The following CD36 variants were observed in gnomAD, a reference collection of about 807,000 sequenced individuals.
CD36 encodes the protein CD36 molecule (CD36 blood group).
A neutral mutation model predicts 55.2 loss-of-function variants in CD36; 119 were observed. The observed-to-expected ratio is 2.15, with a 90% CI of 1.86 to 2.51. The LOEUF (loss-of-function observed/expected upper bound fraction) is 2.51. Ranked by LOEUF, CD36 falls within the 30% of genes most tolerant of loss-of-function variation. The pLI, the probability that CD36 is intolerant of heterozygous loss-of-function variation, is 0.00. For synonymous variants in CD36, 186 were observed against 193.6 expected (o/e 0.96, Z 0.33); for missense variants, 819 against 555.5 (o/e 1.47, Z -4.77).
At chr7:80,672,709 T>C in intron 11 of CD36, 61 bp from the exon 12 acceptor site, 1 of 1,188,746 alleles carries the variant, frequency 8.4e-7, no homozygotes, top group Middle Eastern at 2.7e-4. Flanking sequence ...AAAAATAAGT[T>C]TTGAATAGTA....
chr7:80,637,763 C>T (rs962012887), upstream of CD36, among the ~76,000 whole-genome samples: 2 of 152,044 alleles, frequency 1.3e-5, no homozygotes, highest in African/African-American at 4.8e-5. Flanking sequence ...TTATCCAGCT[C>T]TCCTATCAAA....
At chr7:80,676,211 C>T (rs1394764211) in intron 14 of CD36, 173 bp from the exon 15 acceptor site, 1 of 152,096 alleles carries the variant, frequency 6.6e-6, no homozygotes, top group East Asian at 1.9e-4. Flanking sequence ...ACAAAGCACA[C>T]CTTATCTTTT....
At chr7:80,610,595 C>T (rs1035427009) in intron 1 of CD36, among the ~76,000 whole-genome samples, 18 of 151,964 alleles carry the variant, frequency 1.2e-4, no homozygotes, top group South Asian at 2.1e-4. Flanking sequence ...TTTTTTGAGA[C>T]GGAGTCTTGC....
intron 1 of CD36, among the ~76,000 whole-genome samples, chr7:80,620,354 T>C (rs972343514): frequency 3.9e-5 from 6 of 152,288 alleles, no homozygotes; most frequent in African/African-American, 1.4e-4. Context: ...AGCTTCAAGT[T>C]GGGGTTCTCA....
chr7:80,609,190 G>A (rs897664308), intron 1 of CD36, among the ~76,000 whole-genome samples: 1 of 152,156 alleles, frequency 6.6e-6, no homozygotes, highest in Non-Finnish European at 1.5e-5. Context: ...AGGGCTTCAC[G>A]TTTGTGGTCA....
chr7:80,646,241 G>T (rs1203905276), intron 2 of CD36, 60 bp downstream of exon 2: 1 of 167,872 alleles, frequency 6.0e-6, no homozygotes, highest in Non-Finnish European at 1.3e-5. Context: ...AAACACATCA[G>T]TCAACCCACA....
intron 1 of CD36, chr7:80,633,290 C>CAT (rs756055717): frequency 8.6e-5 from 13 of 152,018 alleles, no homozygotes; most frequent in Middle Eastern, 3.2e-3. Flanking sequence ...GCCATGCCCA[C>CAT]ATGAGAACTA....
intron 8 of CD36, among the ~76,000 whole-genome samples, chr7:80,667,429 C>CTCA (rs1797198060): frequency 1.2e-5 from 1 of 82,422 alleles, no homozygotes; most frequent in African/African-American, 4.7e-5. Flanking sequence ...GACCCTGTCT[C>CTCA]AAAAAAAAAA....
chr7:80,626,377 A>G (rs1793736680), intron 1 of CD36: 1 of 152,104 alleles, frequency 6.6e-6, no homozygotes, highest in African/African-American at 2.4e-5. Flanking sequence ...TAAATTCTGA[A>G]TGTATTTTTA....
intron 1 of CD36, among the ~76,000 whole-genome samples, chr7:80,619,494 A>G (rs1793336984): frequency 6.6e-6 from 1 of 151,998 alleles, no homozygotes; most frequent in East Asian, 1.9e-4. Flanking sequence ...TAAAAACACA[A>G]AAATTAGCCA....
chr7:80,673,407 G>T lies in CD36; in HGVS notation c.1252G>T (p.Glu418Ter). Residue 418 changes from glutamate (E) to a stop codon, truncating the protein, a stop_gained and splice_region_variant, in exon 13 of 15, where the codon GAG becomes TAG. Transcript: ENST00000447544. LOFTEE classifies it high-confidence loss of function. Reference sequence around the variant, plus strand: ...TATTGTGCCTATTCTTTGGCTTAATGAGGTTTGTATTTGCAGCTGTTAGTC... The same window carrying T: ...TATTGTGCCTATTCTTTGGCTTAATTAGGTTTGTATTTGCAGCTGTTAGTC... The part of the protein sequence containing the change: ...NYIVPILWLN[E>*]TGTIGDEKAN... The T allele has an allele frequency of 6.4e-7, 1 of 1,562,792 alleles. No individual in the cohort carries two copies. The highest frequency in any genetic ancestry group is 1.1e-5 in the South Asian group (1 of 89,960).
intron 1 of CD36, among the ~76,000 whole-genome samples, chr7:80,619,052 G>A (rs1324504943): frequency 6.6e-6 from 1 of 152,148 alleles, no homozygotes; most frequent in Non-Finnish European, 1.5e-5. Flanking sequence ...AATGCAGCTG[G>A]TGACTTTAAA....
At chr7:80,669,281 T>A (rs1797415791) in intron 8 of CD36, among the ~76,000 whole-genome samples, 1 of 152,210 alleles carries the variant, frequency 6.6e-6, no homozygotes, top group African/African-American at 2.4e-5. Context: ...GCCAGCCATA[T>A]GTAACTGTTA....
intron 1 of CD36, among the ~76,000 whole-genome samples, chr7:80,629,466 A>G (rs1331930671): frequency 1.3e-5 from 2 of 152,088 alleles, no homozygotes; most frequent in African/African-American, 4.8e-5. Flanking sequence ...TGACATTTTT[A>G]GAGGCAATAC....
At chr7:80,631,363 A>G (rs1250292299) in intron 1 of CD36, among the ~76,000 whole-genome samples, 1 of 152,092 alleles carries the variant, frequency 6.6e-6, no homozygotes, top group African/African-American at 2.4e-5. Context: ...TTCTTTCTGC[A>G]TAACCACAAG....
In CD36 at chr7:80,616,020, G is replaced by GA. The variant is rs772082449; in HGVS notation, c.-184+13644dup. ...ACAGATAACACTTTCTTCCTTTAAA[G>GA]AAATCTATCTTTCCAGGCAATAGGA... On this transcript the variant is annotated intron_variant, in intron 1 of 13. Transcript: ENST00000309881. 9.9e-5 allele frequency among the ~76,000 whole-genome samples: 15 copies of GA among 152,200 alleles called. No individual in the cohort carries two copies. In the South Asian group the frequency reaches 2.9e-3, roughly 29 times the overall value.
chr7:80,625,684 A>T (rs1417983773), intron 1 of CD36, among the ~76,000 whole-genome samples: 2 of 152,150 alleles, frequency 1.3e-5, no homozygotes, highest in East Asian at 3.9e-4. Flanking sequence ...CCTATGCTAC[A>T]ATAATTAGAA....
intron 8 of CD36, among the ~76,000 whole-genome samples, chr7:80,669,612 C>T (rs984610070): frequency 6.6e-6 from 1 of 151,964 alleles, no homozygotes; most frequent in African/African-American, 2.4e-5. Context: ...CTCAGGATAG[C>T]TGCCTCCCAA....
Position 80,663,140 on chromosome 7 carries a change from G to C in CD36, c.580G>C (p.Val194Leu), listed in dbSNP as rs760233317. The C allele has an allele frequency of 1.2e-6, 2 of 1,613,632 alleles. No individual in the cohort carries two copies. Among genetic ancestry groups the C allele is most frequent in the East Asian group, 4.5e-5 (2 of 44,778 alleles). ...ATTTTTGAGTTTGGTTCCGTACCCTGTTACTACCACAGTTGGTCTGTTTTA... is the reference window on the plus strand; with the variant it reads ...ATTTTTGAGTTTGGTTCCGTACCCTCTTACTACCACAGTTGGTCTGTTTTA... ...DPFLSLVPYPVTTTVGLFYPY... is the reference protein window; with the variant it reads ...DPFLSLVPYPLTTTVGLFYPY... The change falls in exon 6 of 15, where the codon GTT (valine) becomes CTT (leucine). Residue 194 changes from valine (V) to leucine (L), a missense_variant. Transcript: ENST00000447544.
Sources: allele counts gnomAD v4.1 joint callset (sites outside exome capture counted in the v4.1 genomes callset), GRCh38; gene constraint gnomAD v4.1.1; transcripts MANE v1.5; gene names NCBI Gene and HGNC (gene_info 2026-07-23, HGNC 2026-07-21).